The following RABGAP1L variants were observed in gnomAD, a reference collection of about 807,000 sequenced individuals.
RABGAP1L encodes the protein RAB GTPase activating protein 1 like.
Under a neutral mutation model 137.7 loss-of-function variants are expected in RABGAP1L, and 63 were observed. The observed-to-expected ratio is 0.46, with a 90% CI of 0.37 to 0.56. The LOEUF is 0.56. Ranked by LOEUF, RABGAP1L falls within the 20% of genes least tolerant of loss-of-function variation. The probability of loss-of-function intolerance (pLI) is 0.00; values close to 1 mark genes in which losing one functional copy is unlikely to be tolerated. For missense variants in RABGAP1L, 1,095 were observed against 1,244.0 expected, an observed-to-expected ratio of 0.88 and a Z score of 1.80; for synonymous variants, 431 against 433.7, an observed-to-expected ratio of 0.99 and a Z score of 0.08.
At chr1:174,956,487 G>A (rs1355444380) in intron 19 of RABGAP1L, among the ~76,000 whole-genome samples, 1 of 152,038 alleles carries the variant, frequency 6.6e-6, no homozygotes, top group Non-Finnish European at 1.5e-5. Flanking sequence ...ACTGTCTTTT[G>A]TGGATGACAT....
chr1:174,766,002 T>C (rs1218209609), intron 18 of RABGAP1L, among the ~76,000 whole-genome samples: 1 of 152,066 alleles, frequency 6.6e-6, no homozygotes, highest in African/African-American at 2.4e-5. Context: ...TATTTGGAAA[T>C]AGAATCTTTA....
At chr1:174,403,436 T>G (rs965590873) in intron 13 of RABGAP1L, among the ~76,000 whole-genome samples, 8 of 152,096 alleles carry the variant, frequency 5.3e-5, no homozygotes, top group African/African-American at 1.9e-4. Flanking sequence ...ACCTCTCCCA[T>G]GTATTAATTT....
At chr1:174,882,582 C>G (rs144698733) in intron 19 of RABGAP1L, among the ~76,000 whole-genome samples, 1,887 of 152,270 alleles carry the variant, frequency 0.012, 12 homozygotes, top group Non-Finnish European at 0.02. Context: ...ATTCAGAAAT[C>G]TCTCTATCCA....
At chr1:174,323,926 T>G (rs1680229910) in intron 11 of RABGAP1L, among the ~76,000 whole-genome samples, 1 of 152,178 alleles carries the variant, frequency 6.6e-6, no homozygotes, top group Admixed American at 6.5e-5. Context: ...TGAAGAAATC[T>G]GAAAGTTGTG....
At chr1:174,635,383 G>A (rs576608888) in intron 13 of RABGAP1L, among the ~76,000 whole-genome samples, 1 of 152,204 alleles carries the variant, frequency 6.6e-6, no homozygotes, top group South Asian at 2.1e-4. Context: ...TTAACTTATC[G>A]GAAGAGAGCT....
Position 174,267,441 on chromosome 1 carries a change from T to C in RABGAP1L, c.987-4973T>C, listed in dbSNP as rs1289652125. Among the ~76,000 whole-genome samples the C allele has an allele frequency of 3.9e-5, 6 of 152,190 alleles. 1 individual carries two copies. The highest frequency in any genetic ancestry group is 3.9e-4 in the Admixed American group (6 of 15,280). ...TCTAGATATGCAGCCAGATGAACTT[T>C]GTGAAGATGAACTTATCAGTGTAAA... On this transcript the variant is annotated intron_variant, in intron 7 of 25. Coordinates refer to ENST00000681986, the MANE Select transcript of RABGAP1L (RefSeq NM_001366446.1).
intron 17 of RABGAP1L, among the ~76,000 whole-genome samples, chr1:174,716,293 CTTG>C (rs1475695696): frequency 6.6e-6 from 1 of 152,116 alleles, no homozygotes; most frequent in African/African-American, 2.4e-5. Context: ...GAGACAGGGT[CTTG>C]TTGTGTTGCC....
At chr1:174,756,317 A>G (rs1461102811) in intron 18 of RABGAP1L, among the ~76,000 whole-genome samples, 1 of 151,760 alleles carries the variant, frequency 6.6e-6, no homozygotes, top group Admixed American at 6.6e-5. Context: ...GCCCTGCTAA[A>G]TTTTGTATTT....
intron 13 of RABGAP1L, among the ~76,000 whole-genome samples, chr1:174,470,978 T>A (rs978178747): frequency 2.0e-5 from 3 of 152,108 alleles, no homozygotes; most frequent in Non-Finnish European, 4.4e-5. Context: ...ATATTAAGCT[T>A]TTTTGTATCC....
chr1:174,216,064 A>C (rs1302868542), intron 1 of RABGAP1L, among the ~76,000 whole-genome samples: 1 of 152,150 alleles, frequency 6.6e-6, no homozygotes, highest in African/African-American at 2.4e-5. Context: ...ACACATTCTC[A>C]CTTATTTCTG....
intron 3 of RABGAP1L, among the ~76,000 whole-genome samples, chr1:174,227,895 T>C (rs1227523211): frequency 4.0e-5 from 6 of 151,410 alleles, no homozygotes; most frequent in Non-Finnish European, 8.8e-5. Context: ...TTGAAGAAAT[T>C]AAAGAGCAAG....
chr1:174,214,791 A>G (rs1466769617), intron 1 of RABGAP1L, among the ~76,000 whole-genome samples: 1 of 152,188 alleles, frequency 6.6e-6, no homozygotes, highest in African/African-American at 2.4e-5. Context: ...CCATATACAG[A>G]AGGATGAAAC....
At chr1:174,982,365 A>G (rs1671217849) in intron 23 of RABGAP1L, among the ~76,000 whole-genome samples, 2 of 152,098 alleles carry the variant, frequency 1.3e-5, no homozygotes, top group Admixed American at 6.5e-5. Context: ...ATTCCCACTT[A>G]TGAGTGAGAA....
At chr1:174,418,437 T>G (rs993936985) in intron 13 of RABGAP1L, among the ~76,000 whole-genome samples, 1 of 152,196 alleles carries the variant, frequency 6.6e-6, no homozygotes, top group African/African-American at 2.4e-5. Context: ...GAATGTAAGG[T>G]CCCTGTGATG....
chr1:174,534,788 A>G (rs1363858750), intron 13 of RABGAP1L, among the ~76,000 whole-genome samples: 2 of 150,694 alleles, frequency 1.3e-5, no homozygotes, highest in African/African-American at 2.4e-5. Context: ...AAAAAAAAAA[A>G]AAAAAAAAAA....
intron 18 of RABGAP1L, among the ~76,000 whole-genome samples, chr1:174,805,795 C>T (rs955554333): frequency 1.3e-5 from 2 of 152,146 alleles, no homozygotes; most frequent in African/African-American, 4.8e-5. Context: ...AGCCACTGCG[C>T]CCGGCCTATT....
At chr1:174,957,260 A>G (rs556781240) in intron 19 of RABGAP1L, among the ~76,000 whole-genome samples, 197 bp from the exon 20 acceptor site, 4 of 152,330 alleles carry the variant, frequency 2.6e-5, no homozygotes, top group Admixed American at 2.6e-4. Context: ...TATATGGCCC[A>G]CAAGGCCTAA....
intron 17 of RABGAP1L, among the ~76,000 whole-genome samples, chr1:174,731,425 C>CT (rs1030772477): frequency 2.6e-5 from 4 of 152,206 alleles, no homozygotes; most frequent in African/African-American, 9.6e-5. Context: ...AGAAAAGGAA[C>CT]TTACCCAGTG....
At chr1:174,973,595 G>A (rs1050668675) in intron 21 of RABGAP1L, among the ~76,000 whole-genome samples, 3 of 152,004 alleles carry the variant, frequency 2.0e-5, no homozygotes, top group Admixed American at 1.3e-4. Flanking sequence ...ATGTTGGCCA[G>A]GCTGATCCCG....
Sources: allele counts gnomAD v4.1 joint callset (sites outside exome capture counted in the v4.1 genomes callset), GRCh38; gene constraint gnomAD v4.1.1; transcripts MANE v1.5; gene names NCBI Gene and HGNC (gene_info 2026-07-23, HGNC 2026-07-21).